The following CPS1 variants were observed in gnomAD, a reference collection of about 807,000 sequenced individuals.
The protein encoded by CPS1 is carbamoyl-phosphate synthase [ammonia], mitochondrial.
A neutral mutation model predicts 174.6 loss-of-function variants in CPS1; 109 were observed. That is an observed-to-expected ratio of 0.62 (90% CI 0.53 to 0.73). The LOEUF is 0.73. Among genes scored for constraint, CPS1 ranks in the 30% least tolerant of loss-of-function variants. The pLI is 0.00. For missense variants in CPS1, 1,689 were observed against 1,821.9 expected (o/e 0.93, Z 1.33); for synonymous variants, 637 against 632.0 (o/e 1.01, Z -0.12).
At chr2:210,600,218 T>A (rs569836561) in intron 14 of CPS1, among the ~76,000 whole-genome samples, 1 of 151,952 alleles carries the variant, frequency 6.6e-6, no homozygotes, top group African/African-American at 2.4e-5. Context: ...ATATTTGGGA[T>A]TTTTTAAATT....
rs757272145 is a variant in CPS1 at position 210,577,405 on chromosome 2, C to T, written c.382-16C>T. 2.5e-6 allele frequency: 4 copies of T among 1,591,944 alleles called. No homozygotes were observed. Among genetic ancestry groups the T allele is most frequent in the Non-Finnish European group, 3.4e-6 (4 of 1,160,096 alleles). ...TCTTGTGATAACCTCTTTAAAATGA[C>T]TGTCTGTCTTTCTAGGTTTCAGGTT... On this transcript the variant is annotated splice_polypyrimidine_tract_variant and intron_variant, in intron 3 of 37. Coordinates refer to ENST00000233072, the MANE Select transcript of CPS1 (RefSeq NM_001875.5).
chr2:210,510,716 C>T (rs182251370), intron 1 of CPS1, among the ~76,000 whole-genome samples: 80 of 152,214 alleles, frequency 5.3e-4, no homozygotes, highest in African/African-American at 1.6e-3. Context: ...AACAAGTGGG[C>T]GAAGGATATG....
intron 1 of CPS1, among the ~76,000 whole-genome samples, chr2:210,547,506 A>G (rs1337795706): frequency 2.0e-5 from 3 of 152,014 alleles, no homozygotes; most frequent in Admixed American, 6.6e-5. Flanking sequence ...TACCCCATAT[A>G]TTAAAAATGA....
In CPS1 at chr2:210,668,227, G is replaced by A; in HGVS notation, c.4044G>A (p.Lys1348=). 6.2e-7 allele frequency: 1 copy of A among 1,613,918 alleles called. No homozygotes were observed. Residue 1348 remains lysine (K), a synonymous_variant, in exon 34 of 38, where the codon AAG becomes AAA. Transcript: ENST00000233072. ...AAGGTATTCATACAGCCTTCCTAAA[G>A]GCAATGCTTTCCACAGGATTTAAGA... ...FGEGIHTAFL[K]AMLSTGFKIP...
intron 23 of CPS1, 24 bp from the exon 24 acceptor site, chr2:210,639,972 A>G (rs774696366): frequency 3.0e-5 from 46 of 1,555,382 alleles, no homozygotes; most frequent in South Asian, 1.8e-4. Context: ...TGATTTCTGC[A>G]TCTTCCTTTT....
intron 5 of CPS1, 133 bp downstream of exon 5, chr2:210,579,903 TG>T: frequency 1.4e-6 from 1 of 737,440 alleles, no homozygotes; most frequent in Non-Finnish European, 2.4e-6. Flanking sequence ...TTCTGCTATC[TG>T]GGTCTCTGTT....
At chr2:210,537,871 C>A (rs1696299006) in intron 1 of CPS1, among the ~76,000 whole-genome samples, 1 of 152,080 alleles carries the variant, frequency 6.6e-6, no homozygotes, top group Admixed American at 6.6e-5. Context: ...GGCTAAAGAA[C>A]AACACTGTAT....
At chr2:210,564,012 A>T (rs1054895302) in intron 1 of CPS1, among the ~76,000 whole-genome samples, 3 of 152,236 alleles carry the variant, frequency 2.0e-5, no homozygotes, top group Non-Finnish European at 4.4e-5. Flanking sequence ...GTGGTCCCAT[A>T]AAGTTTATGA....
intron 1 of CPS1, among the ~76,000 whole-genome samples, chr2:210,528,568 G>T (rs1468034611): frequency 2.0e-5 from 3 of 151,872 alleles, no homozygotes; most frequent in Non-Finnish European, 4.4e-5. Context: ...TCAAAGAAGG[G>T]CTGGATTAAC....
chr2:210,584,152 C>T (rs555358793), intron 6 of CPS1, among the ~76,000 whole-genome samples: 14 of 152,216 alleles, frequency 9.2e-5, no homozygotes, highest in African/African-American at 3.1e-4. Flanking sequence ...GTTTTTACTA[C>T]ATACAATGGG....
At chr2:210,667,086 G>A (rs1230466998) in intron 33 of CPS1, among the ~76,000 whole-genome samples, 1 of 152,142 alleles carries the variant, frequency 6.6e-6, no homozygotes, top group Non-Finnish European at 1.5e-5. Flanking sequence ...TCTCTTTGAA[G>A]CAATTGTGAA....
chr2:210,567,994 T>C (rs1697357257), intron 1 of CPS1, among the ~76,000 whole-genome samples: 1 of 152,150 alleles, frequency 6.6e-6, no homozygotes, highest in Non-Finnish European at 1.5e-5. Flanking sequence ...AACTGTGTAG[T>C]GAGAACATTA....
At chr2:210,633,151 G>A (rs1186588539) in intron 21 of CPS1, among the ~76,000 whole-genome samples, 2 of 152,064 alleles carry the variant, frequency 1.3e-5, no homozygotes, top group East Asian at 1.9e-4. Context: ...TCATTATTTT[G>A]TGTTACTGTT....
chr2:210,632,604 C>T (rs1317984323), intron 21 of CPS1, among the ~76,000 whole-genome samples: 1 of 152,120 alleles, frequency 6.6e-6, no homozygotes, highest in Non-Finnish European at 1.5e-5. Flanking sequence ...ATTAGGAGTA[C>T]CTTGTGGAAT....
chr2:210,555,777 C>A, upstream of CPS1: 1 of 407,592 alleles, frequency 2.5e-6, no homozygotes, highest in Non-Finnish European at 5.0e-6. Context: ...CCAGTGAGGC[C>A]CCTTGAGAGC....
At chr2:210,649,595 G>A (rs1224697777) in intron 27 of CPS1, among the ~76,000 whole-genome samples, 1 of 152,098 alleles carries the variant, frequency 6.6e-6, no homozygotes, top group African/African-American at 2.4e-5. Flanking sequence ...ATAAATATAT[G>A]CAATTACTAT....
In CPS1 at chr2:210,579,623, A is replaced by G. The variant is rs550731817; in HGVS notation, c.472-91A>G. On this transcript the variant is annotated intron_variant, in intron 4 of 37. Transcript: ENST00000233072. ...GTGGAGAAATTATTTACTGCTCAAGAAGATAGATGAGGCCAAGTTTGTAAC... is the reference window on the plus strand; with the variant it reads ...GTGGAGAAATTATTTACTGCTCAAGGAGATAGATGAGGCCAAGTTTGTAAC... 30 of 952,812 alleles carry G rather than the reference A, an allele frequency of 3.1e-5. 1 individual carries two copies. In the South Asian group the frequency reaches 3.9e-4, roughly 12 times the overall value. 59.0% of individuals were successfully genotyped at this position (952,812 alleles called of 1,614,324 possible). A position where few individuals can be genotyped will look rare whatever the true frequency, so the allele number is the denominator to read the frequency against.
At chr2:210,594,716 C>T (rs563938085) in intron 12 of CPS1, 110 bp downstream of exon 12, 3 of 767,078 alleles carry the variant, frequency 3.9e-6, no homozygotes, top group Non-Finnish European at 6.9e-6. Flanking sequence ...TAAAAGATGA[C>T]TGGTAATATT....
intron 1 of CPS1, among the ~76,000 whole-genome samples, chr2:210,558,962 A>C (rs1330046632): frequency 6.6e-6 from 1 of 152,094 alleles, no homozygotes; most frequent in Non-Finnish European, 1.5e-5. Context: ...AGGAATGCCA[A>C]GCACAAAAAA....
Sources: gnomAD v4.1 joint callset for allele counts (sites outside exome capture counted in the v4.1 genomes callset) on GRCh38, gnomAD v4.1.1 for gene constraint, MANE v1.5 for transcripts, NCBI Gene and HGNC (gene_info 2026-07-23, HGNC 2026-07-21) for gene names.